KCTD8: variants seen among roughly 807,000 people sequenced by gnomAD.
KCTD8 encodes the protein potassium channel tetramerization domain containing 8, also known as BTB/POZ domain-containing protein KCTD8.
In KCTD8, 27 loss-of-function variants were observed where a neutral mutation model predicts 31.5. That is an observed-to-expected ratio of 0.86 (90% CI 0.63 to 1.18). The LOEUF is 1.18. Among genes scored for constraint, KCTD8 ranks in the 50% most tolerant of loss-of-function variants. The pLI, the probability that KCTD8 is intolerant of heterozygous loss-of-function variation, is 0.00. For synonymous variants in KCTD8, 290 were observed against 280.0 expected, an observed-to-expected ratio of 1.04 and a Z score of -0.36; for missense variants, 658 against 647.7, an observed-to-expected ratio of 1.02 and a Z score of -0.17.
intron 1 of KCTD8, among the ~76,000 whole-genome samples, chr4:44,298,447 TA>T (rs1176807662): frequency 1.3e-5 from 2 of 150,182 alleles, no homozygotes; most frequent in Non-Finnish European, 3.0e-5. Flanking sequence ...TAAAATTAAC[TA>T]AGATGAACTG....
chr4:44,405,241 TTTTGTTTG>T lies in KCTD8; in HGVS notation c.961+42314_961+42321del, dbSNP rs113965031. 2.5e-3 allele frequency among the ~76,000 whole-genome samples: 373 copies of T among 149,410 alleles called. 2 individuals carry two copies. The highest frequency in any genetic ancestry group is 7.7e-3 in the South Asian group (36 of 4,664). On this transcript the variant is annotated intron_variant, in intron 1 of 1. Coordinates refer to ENST00000360029, the MANE Select transcript of KCTD8 (RefSeq NM_198353.3). ...GACAAAGCTTTGATCAGCCAGGTGT[TTTTGTTTG>T]TTTGTTTGTTTGTTTGTTTGTTTTT...
At chr4:44,333,462 G>T (rs1015099152) in intron 1 of KCTD8, among the ~76,000 whole-genome samples, 12 of 152,052 alleles carry the variant, frequency 7.9e-5, no homozygotes, top group African/African-American at 2.7e-4. Context: ...TGATGCACAG[G>T]CATAGTATCA....
intron 1 of KCTD8, among the ~76,000 whole-genome samples, chr4:44,373,817 G>T (rs1300894239): frequency 1.3e-5 from 2 of 152,036 alleles, no homozygotes; most frequent in Non-Finnish European, 2.9e-5. Flanking sequence ...AATAAGATAA[G>T]GATTTCTTAT....
At chr4:44,217,329 A>G (rs1004041961) in intron 1 of KCTD8, among the ~76,000 whole-genome samples, 1 of 152,188 alleles carries the variant, frequency 6.6e-6, no homozygotes, top group Admixed American at 6.5e-5. Context: ...TCTTGACCCA[A>G]AATTAAGGGT....
intron 1 of KCTD8, among the ~76,000 whole-genome samples, chr4:44,394,603 C>G (rs1419973036): frequency 6.6e-6 from 1 of 152,018 alleles, no homozygotes; most frequent in Non-Finnish European, 1.5e-5. Context: ...TCAAATCTGT[C>G]TCTCTGACAT....
At chr4:44,183,357 G>C (rs537508981) in intron 1 of KCTD8, among the ~76,000 whole-genome samples, 2 of 151,794 alleles carry the variant, frequency 1.3e-5, no homozygotes, top group Non-Finnish European at 2.9e-5. Flanking sequence ...TGTTCAAAAG[G>C]GTATTTAAGA....
chr4:44,358,679 C>T (rs1719411557), intron 1 of KCTD8, among the ~76,000 whole-genome samples: 1 of 152,132 alleles, frequency 6.6e-6, no homozygotes, highest in Non-Finnish European at 1.5e-5. Context: ...TGCCATTCTC[C>T]TGCCTCAGCC....
intron 1 of KCTD8, among the ~76,000 whole-genome samples, chr4:44,325,566 T>G (rs1469900916): frequency 6.6e-6 from 1 of 151,906 alleles, no homozygotes; most frequent in African/African-American, 2.4e-5. Context: ...CTGTGCTTAT[T>G]TCAAATTGCG....
At chr4:44,203,934 A>T (rs1233910034) in intron 1 of KCTD8, among the ~76,000 whole-genome samples, 1 of 151,888 alleles carries the variant, frequency 6.6e-6, no homozygotes, top group Non-Finnish European at 1.5e-5. Context: ...TAATTTCAAG[A>T]TTTAGTAATA....
intron 1 of KCTD8, among the ~76,000 whole-genome samples, chr4:44,262,020 A>G (rs1354545906): frequency 1.3e-5 from 2 of 152,100 alleles, no homozygotes; most frequent in East Asian, 1.9e-4. Context: ...GGAGGACCCA[A>G]TAATGGAGAC....
At chr4:44,400,728 CA>C (rs34000545) in intron 1 of KCTD8, among the ~76,000 whole-genome samples, 9,279 of 100,008 alleles carry the variant, frequency 0.093, 219 homozygotes, top group South Asian at 0.17. Flanking sequence ...GACTCTGTCT[CA>C]AAAAAAAAAA....
chr4:44,406,682 G>A (rs965771385), intron 1 of KCTD8, among the ~76,000 whole-genome samples: 2 of 152,126 alleles, frequency 1.3e-5, no homozygotes, highest in Admixed American at 6.5e-5. Context: ...AATCCAAAAA[G>A]TGAATCCAGG....
intron 1 of KCTD8, among the ~76,000 whole-genome samples, chr4:44,441,082 G>T (rs1289984982): frequency 6.6e-6 from 1 of 152,142 alleles, no homozygotes; most frequent in African/African-American, 2.4e-5. Flanking sequence ...ATATATGGCT[G>T]ATAGGCAGAT....
chr4:44,411,525 T>G (rs73177431), intron 1 of KCTD8, among the ~76,000 whole-genome samples: 3,757 of 152,186 alleles, frequency 0.025, 94 homozygotes, highest in African/African-American at 0.063. Flanking sequence ...GAATGTATGT[T>G]TTTTATGTTT....
chr4:44,221,935 AT>A (rs2109348405), intron 1 of KCTD8, among the ~76,000 whole-genome samples: 1 of 152,286 alleles, frequency 6.6e-6, no homozygotes, highest in African/African-American at 2.4e-5. Context: ...GACACTCAGT[AT>A]TAACCATCAC....
intron 1 of KCTD8, among the ~76,000 whole-genome samples, chr4:44,314,044 C>A (rs961311562): frequency 6.6e-6 from 1 of 152,008 alleles, no homozygotes; most frequent in Non-Finnish European, 1.5e-5. Context: ...GGGAGCTGTA[C>A]AAGAAAGTAA....
At chr4:44,399,976 A>AT (rs1661655562) in intron 1 of KCTD8, among the ~76,000 whole-genome samples, 2 of 152,210 alleles carry the variant, frequency 1.3e-5, no homozygotes, top group Admixed American at 6.5e-5. Flanking sequence ...TCTTTAATTC[A>AT]TTTTTTCTGT....
chr4:44,198,849 A>G (rs1714029570), intron 1 of KCTD8, among the ~76,000 whole-genome samples: 1 of 152,146 alleles, frequency 6.6e-6, no homozygotes, highest in Admixed American at 6.5e-5. Flanking sequence ...CCCATTTAAA[A>G]GGCATAAAGT....
rs564195011 is a variant in KCTD8 at position 44,370,649 on chromosome 4, T to C, written c.961+76914A>G. On this transcript the variant is annotated intron_variant, in intron 1 of 1. Coordinates refer to ENST00000360029, the MANE Select transcript of KCTD8 (RefSeq NM_198353.3). ...ATAAGGAGGATAACAATCAAGAATC[T>C]CAATGCATCAGTCTGGTTTTTTATA... Among the ~76,000 whole-genome samples, 7 of 152,272 alleles carry C rather than the reference T, an allele frequency of 4.6e-5. No individual in the cohort carries two copies. In the East Asian group the frequency reaches 1.2e-3, roughly 25 times the overall value.
Sources: allele counts gnomAD v4.1 joint callset (sites outside exome capture counted in the v4.1 genomes callset), GRCh38; gene constraint gnomAD v4.1.1; transcripts MANE v1.5; gene names NCBI Gene and HGNC (gene_info 2026-07-23, HGNC 2026-07-21).